C5: variants seen among roughly 807,000 people sequenced by gnomAD.
C5 encodes complement C5.
C5 carries 140 observed loss-of-function variants against 218.8 expected under a neutral mutation model. The ratio of observed to expected loss-of-function variants is 0.64; its 90% CI spans 0.56 to 0.74. C5 has a LOEUF of 0.74. Among genes scored for constraint, C5 ranks in the 30% least tolerant of loss-of-function variants. C5 has a pLI of 0.00. For synonymous variants in C5, 614 were observed against 682.3 expected, an observed-to-expected ratio of 0.90 and a Z score of 1.56; for missense variants, 1,700 against 1,969.6, an observed-to-expected ratio of 0.86 and a Z score of 2.59.
At chr9:121,037,327 T>G (rs1412748520) in intron 4 of C5, among the ~76,000 whole-genome samples, 1 of 151,400 alleles carries the variant, frequency 6.6e-6, no homozygotes, top group African/African-American at 2.4e-5. Context: ...TTAGATTTTC[T>G]TTTTTGAGAT....
chr9:121,054,467 A>T (rs577229555), upstream of C5, among the ~76,000 whole-genome samples: 1 of 152,154 alleles, frequency 6.6e-6, no homozygotes, highest in South Asian at 2.1e-4. Context: ...GGGTGTGGTG[A>T]CAGGTGCCTG....
chr9:120,978,143 A>G lies in C5; in HGVS notation c.3659-1238T>C, dbSNP rs2131692940. Reference sequence around the variant, plus strand: ...ATTTCTTTCCAATTTAAAGCACTCAAGACAATTTCGTACATGCAGCACTTT... The same window carrying G: ...ATTTCTTTCCAATTTAAAGCACTCAGGACAATTTCGTACATGCAGCACTTT... On this transcript the variant is annotated intron_variant, in intron 28 of 40. Coordinates refer to ENST00000223642, the MANE Select transcript of C5 (RefSeq NM_001735.3). 2.0e-5 allele frequency among the ~76,000 whole-genome samples: 3 copies of G among 152,266 alleles called. 1 individual carries two copies. In the South Asian group the frequency reaches 6.2e-4, roughly 32 times the overall value.
chr9:120,987,965 G>T (rs1056589841), intron 25 of C5, among the ~76,000 whole-genome samples: 8 of 151,974 alleles, frequency 5.3e-5, no homozygotes, highest in African/African-American at 1.9e-4. Flanking sequence ...GCTAATTTTT[G>T]TATTTTTCAT....
intron 19 of C5, 51 bp from the exon 20 acceptor site, chr9:121,006,109 A>G: frequency 1.3e-6 from 2 of 1,584,832 alleles, no homozygotes; most frequent in African/African-American, 1.3e-5. Flanking sequence ...AATTCCTATA[A>G]TGTTTTATTG....
the C5 span, among the ~76,000 whole-genome samples, chr9:121,067,870 C>G: frequency 6.6e-6 from 1 of 152,122 alleles, no homozygotes; most frequent in Admixed American, 6.6e-5. Flanking sequence ...GAGGCCTCCC[C>G]AGCCATGTGA....
intron 11 of C5, among the ~76,000 whole-genome samples, chr9:121,020,930 C>A (rs1206642875): frequency 6.6e-6 from 1 of 152,222 alleles, no homozygotes; most frequent in Non-Finnish European, 1.5e-5. Flanking sequence ...TGATGCCTAG[C>A]ATTTAGTAAG....
At chr9:120,985,215 T>A (rs2047024627) in intron 25 of C5, among the ~76,000 whole-genome samples, 2 of 152,154 alleles carry the variant, frequency 1.3e-5, no homozygotes, top group South Asian at 4.1e-4. Flanking sequence ...AAATTTTAAG[T>A]GTGACATGGA....
At chr9:121,057,975 C>A in the C5 span, among the ~76,000 whole-genome samples, 1 of 152,192 alleles carries the variant, frequency 6.6e-6, no homozygotes, top group East Asian at 1.9e-4. Flanking sequence ...TTGAAGCATT[C>A]TTCTCGCTTC....
rs530810882 is a variant in C5, at chr9:121,033,044, A to G, written c.585-849T>C. 7.5e-4 allele frequency among the ~76,000 whole-genome samples: 112 copies of G among 149,812 alleles called. 1 individual carries two copies. Among genetic ancestry groups the G allele is most frequent in the Admixed American group, 1.4e-3 (21 of 15,014 alleles). On this transcript the variant is annotated intron_variant, in intron 5 of 40. Coordinates refer to ENST00000223642, the MANE Select transcript of C5 (RefSeq NM_001735.3). ...TGTGTGTGTGTGTGTGTGTGTATGT[A>G]TGTATATATGTGTGTATACACACAT... is the stretch of plus-strand genomic sequence containing the variant.
chr9:120,976,703 G>A lies in C5; in HGVS notation c.3861C>T (p.Thr1287=). 1 of 1,612,500 alleles carries A rather than the reference G, an allele frequency of 6.2e-7. No individual in the cohort carries two copies. ...EQRYGGGFYS[T]QDTINAIEGL... ...AAACAAGACAAAGAAATGTTACCTGGGTTGAATAAAAGCCACCTCCATACC... is the reference window on the plus strand; with the variant it reads ...AAACAAGACAAAGAAATGTTACCTGAGTTGAATAAAAGCCACCTCCATACC... Residue 1287 remains threonine, a synonymous_variant, in exon 29 of 41, where the codon ACC becomes ACT. Coordinates refer to ENST00000223642, the MANE Select transcript of C5 (RefSeq NM_001735.3).
chr9:121,007,048 T>A, intron 18 of C5, 71 bp from the exon 19 acceptor site: 1 of 1,214,426 alleles, frequency 8.2e-7, no homozygotes, highest in Non-Finnish European at 1.2e-6. Context: ...AGACATCCAT[T>A]AACAGAATTT....
chr9:120,974,950 G>A lies in C5; in HGVS notation c.3865-19C>T, dbSNP rs1588171936. On this transcript the variant is annotated intron_variant, in intron 29 of 40. Coordinates refer to ENST00000223642, the MANE Select transcript of C5 (RefSeq NM_001735.3). Reference sequence around the variant, plus strand: ...TTGTGTCCTGTCAGCAATCAGCAAGGCACAAAAATATGTTTAGTTTATTTA... The same window carrying A: ...TTGTGTCCTGTCAGCAATCAGCAAGACACAAAAATATGTTTAGTTTATTTA... 3 of 1,613,904 alleles carry A rather than the reference G, an allele frequency of 1.9e-6. No homozygotes were observed. Among genetic ancestry groups the A allele is most frequent in the South Asian group, 2.2e-5 (2 of 91,076 alleles).
At chr9:121,012,228 T>C (rs1298798088) in intron 17 of C5, among the ~76,000 whole-genome samples, 1 of 151,896 alleles carries the variant, frequency 6.6e-6, no homozygotes, top group East Asian at 1.9e-4. Flanking sequence ...GTGTACCCCG[T>C]AAATACTATT....
At position 121,017,684 on chromosome 9, in the gene C5, C is replaced by T; in HGVS notation, c.1675G>A (p.Val559Ile). 6.2e-7 allele frequency: 1 copy of T among 1,613,852 alleles called. No homozygotes were observed. Among genetic ancestry groups the T allele is most frequent in the South Asian group, 1.1e-5 (1 of 91,078 alleles). ...CATTTTTCTTCAATATTTAACCAGA[C>T]TGAATCAGACACTAATTCTGCTGTC... ...EQTAELVSDS[V>I]WLNIEEKCGN... Residue 559 changes from valine (V) to isoleucine (I), a missense_variant, in exon 13 of 41, where the codon GTC becomes ATC. Physicochemically the swap from Val to Ile is conservative, Grantham distance 29. Coordinates refer to ENST00000223642, the MANE Select transcript of C5 (RefSeq NM_001735.3).
In C5 at chr9:121,006,964, A is replaced by C. The variant is rs2047221243; in HGVS notation, c.2362T>G (p.Phe788Val). 4 of 1,611,462 alleles carry C rather than the reference A, an allele frequency of 2.5e-6. No homozygotes were observed. The highest frequency in any genetic ancestry group is 3.4e-6 in the Non-Finnish European group (4 of 1,177,802). Residue 788 changes from phenylalanine to valine, a missense_variant, in exon 19 of 41, where the codon TTT becomes GTT. Phe to Val is a conservative substitution (Grantham distance 50). Transcript: ENST00000223642. ...GTGGTTAGAGAATCAGGTAGGGCAA[A>C]CTGCAACTGTTTTCTGGAAGTTAAA... ...HLVPRRKQLQ[F>V]ALPDSLTTWE...
At chr9:121,073,017 T>A in the C5 span, among the ~76,000 whole-genome samples, 1 of 152,108 alleles carries the variant, frequency 6.6e-6, no homozygotes, top group South Asian at 2.1e-4. Flanking sequence ...TCAAAGTAAA[T>A]CAAAGACACA....
chr9:120,979,181 C>T (rs2046973903), intron 28 of C5, among the ~76,000 whole-genome samples: 1 of 152,190 alleles, frequency 6.6e-6, no homozygotes, highest in Non-Finnish European at 1.5e-5. Context: ...ATTCTTGGAG[C>T]ACCAGGCATG....
At chr9:120,976,676 T>C (rs2046955446) in intron 29 of C5, 24 bp downstream of exon 29, 2 of 1,593,982 alleles carry the variant, frequency 1.3e-6, no homozygotes, top group South Asian at 2.2e-5. Context: ...TACAGGGAGA[T>C]GAAACAAGAC....
chr9:121,004,635 T>C (rs561523150), intron 20 of C5, among the ~76,000 whole-genome samples: 6 of 152,180 alleles, frequency 3.9e-5, no homozygotes, highest in Admixed American at 2.6e-4. Flanking sequence ...TAGCCAAGCA[T>C]GGTGGCGTGT....
Sources: gnomAD v4.1 joint callset for allele counts (sites outside exome capture counted in the v4.1 genomes callset) on GRCh38, gnomAD v4.1.1 for gene constraint, MANE v1.5 for transcripts, NCBI Gene and HGNC (gene_info 2026-07-23, HGNC 2026-07-21) for gene names.